ADAMTS12: variants seen among roughly 807,000 people sequenced by gnomAD.
ADAMTS12 encodes ADAM metallopeptidase with thrombospondin type 1 motif 12.
Under a neutral mutation model 167.8 loss-of-function variants are expected in ADAMTS12, and 118 were observed. That is an observed-to-expected ratio of 0.70 (90% confidence interval 0.61 to 0.82). The LOEUF is 0.82. ADAMTS12 is among the 40% of genes least tolerant of loss of function. The pLI is 0.00. For synonymous variants in ADAMTS12, 704 were observed against 716.9 expected (o/e 0.98, Z 0.29); for missense variants, 1,916 against 1,998.8 (o/e 0.96, Z 0.79).
At chr5:33,659,196 G>A (rs1348455266) in intron 6 of ADAMTS12, among the ~76,000 whole-genome samples, 1 of 152,146 alleles carries the variant, frequency 6.6e-6, no homozygotes, top group Admixed American at 6.5e-5. Context: ...CAGACTTTGA[G>A]AACCCATGTG....
At chr5:33,769,747 G>T (rs1325654800) in intron 2 of ADAMTS12, among the ~76,000 whole-genome samples, 1 of 152,160 alleles carries the variant, frequency 6.6e-6, no homozygotes, top group East Asian at 1.9e-4. Context: ...ATGACCAAAA[G>T]GAATCTGGTC....
rs189440932 is a variant in ADAMTS12 at position 33,790,382 on chromosome 5, G to A, written c.490-38834C>T. ...ATCCTGGCCAATGTGGTGAAACCCC[G>A]TCTCTACTAAAAATACAAAAATTAG... On this transcript the variant is annotated intron_variant, in intron 2 of 23. Transcript: ENST00000504830. 8.0e-3 allele frequency among the ~76,000 whole-genome samples: 1,212 copies of A among 152,010 alleles called. 18 individuals are homozygous for A. The highest frequency in any genetic ancestry group is 0.028 in the African/African-American group (1,153 of 41,472).
chr5:33,718,453 G>A (rs1303010161), intron 3 of ADAMTS12, among the ~76,000 whole-genome samples: 1 of 152,146 alleles, frequency 6.6e-6, no homozygotes, highest in Non-Finnish European at 1.5e-5. Flanking sequence ...ATAGGAATGT[G>A]AACCCTATTC....
At chr5:33,777,871 T>A (rs527309939) in intron 2 of ADAMTS12, among the ~76,000 whole-genome samples, 1 of 152,160 alleles carries the variant, frequency 6.6e-6, no homozygotes, top group Non-Finnish European at 1.5e-5. Flanking sequence ...AAGATTTTTT[T>A]ATATAGTAAC....
intron 22 of ADAMTS12, among the ~76,000 whole-genome samples, chr5:33,541,383 G>C (rs1477425464): frequency 6.6e-6 from 1 of 152,212 alleles, no homozygotes; most frequent in Non-Finnish European, 1.5e-5. Context: ...GTGAGGAGAA[G>C]AATGGAACCA....
intron 2 of ADAMTS12, among the ~76,000 whole-genome samples, chr5:33,830,853 A>G (rs1236862543): frequency 6.6e-6 from 1 of 152,202 alleles, no homozygotes; most frequent in African/African-American, 2.4e-5. Flanking sequence ...ATACTGATAT[A>G]GACAGTGTCT....
chr5:33,585,037 G>A (rs1382634578), intron 18 of ADAMTS12, among the ~76,000 whole-genome samples: 1 of 140,372 alleles, frequency 7.1e-6, no homozygotes, highest in Non-Finnish European at 1.6e-5. Context: ...GGTTATCCAT[G>A]TATCCATCCA....
At chr5:33,677,092 A>T (rs1377131521) in intron 5 of ADAMTS12, among the ~76,000 whole-genome samples, 5 of 152,142 alleles carry the variant, frequency 3.3e-5, no homozygotes, top group African/African-American at 1.2e-4. Flanking sequence ...CTTGTTCTTA[A>T]AAGAAGTCTC....
At chr5:33,640,929 T>A (rs192586493) in intron 11 of ADAMTS12, among the ~76,000 whole-genome samples, 1 of 151,240 alleles carries the variant, frequency 6.6e-6, no homozygotes, top group Non-Finnish European at 1.5e-5. Flanking sequence ...ACAAAAAGGA[T>A]AAATAACCTT....
At chr5:33,837,457 C>A (rs553994229) in intron 2 of ADAMTS12, among the ~76,000 whole-genome samples, 48 of 152,286 alleles carry the variant, frequency 3.2e-4, no homozygotes, top group South Asian at 2.3e-3. Flanking sequence ...GCTTGCCACA[C>A]CCACAGAAAT....
At chr5:33,607,018 T>C (rs1354695893) in intron 16 of ADAMTS12, among the ~76,000 whole-genome samples, 2 of 152,222 alleles carry the variant, frequency 1.3e-5, no homozygotes, top group South Asian at 4.1e-4. Flanking sequence ...AGAAAAACTA[T>C]ATGATCATCT....
intron 5 of ADAMTS12, among the ~76,000 whole-genome samples, chr5:33,681,257 GT>G: frequency 6.6e-6 from 1 of 152,190 alleles, no homozygotes; most frequent in East Asian, 1.9e-4. Flanking sequence ...TCCACAGATT[GT>G]TTTAAAAATA....
In ADAMTS12 at chr5:33,660,952, T is replaced by C. The variant is rs116748249; in HGVS notation, c.1040+964A>G. On this transcript the variant is annotated intron_variant, in intron 6 of 23. Coordinates refer to ENST00000504830, the MANE Select transcript of ADAMTS12 (RefSeq NM_030955.4). ...GGTGGGGGCTGATTATCCTTCCTTG[T>C]AGGGATTCTATGCATTGAGATGATC... 2.4e-3 allele frequency among the ~76,000 whole-genome samples: 358 copies of C among 152,296 alleles called. 3 individuals carry two copies. The highest frequency in any genetic ancestry group is 8.2e-3 in the African/African-American group (339 of 41,578).
At chr5:33,597,236 GA>G (rs1737939100) in intron 16 of ADAMTS12, among the ~76,000 whole-genome samples, 1 of 152,224 alleles carries the variant, frequency 6.6e-6, no homozygotes, top group African/African-American at 2.4e-5. Flanking sequence ...GGACTGAAGT[GA>G]AGGGGCAGTG....
chr5:33,658,416 A>C, intron 6 of ADAMTS12, 83 bp from the exon 7 acceptor site: 5 of 1,520,710 alleles, frequency 3.3e-6, no homozygotes, highest in Non-Finnish European at 4.5e-6. Context: ...GTATAAACTC[A>C]CATTCAATAT....
chr5:33,585,926 T>C (rs409592), intron 18 of ADAMTS12, among the ~76,000 whole-genome samples: 63,803 of 151,938 alleles, frequency 0.42, 13,523 homozygotes, highest in South Asian at 0.47. Context: ...GTGGAGTGCT[T>C]TGATAAGGAA....
chr5:33,743,734 T>C lies in ADAMTS12; in HGVS notation c.634+7670A>G, dbSNP rs1296911145. Among the ~76,000 whole-genome samples the C allele has an allele frequency of 3.9e-5, 6 of 152,264 alleles. No homozygotes were observed. The East Asian group carries it at 7.7e-4, about 20-fold the overall frequency. ...ATCCATCCAACCATCCATCCATCCA[T>C]CCACCCACCCTTCTTTCCTTCTATC... On this transcript the variant is annotated intron_variant, in intron 3 of 23. Coordinates refer to ENST00000504830, the MANE Select transcript of ADAMTS12 (RefSeq NM_030955.4).
At chr5:33,693,508 A>C (rs1446729544) in intron 3 of ADAMTS12, among the ~76,000 whole-genome samples, 3 of 152,242 alleles carry the variant, frequency 2.0e-5, no homozygotes, top group African/African-American at 7.2e-5. Flanking sequence ...CTTATTATAA[A>C]AATAGTATGT....
intron 2 of ADAMTS12, among the ~76,000 whole-genome samples, chr5:33,835,947 CTCTCTCTG>C (rs1239327565): frequency 5.0e-4 from 21 of 42,334 alleles, no homozygotes; most frequent in Middle Eastern, 0.01. Flanking sequence ...CTCTCTCTCT[CTCTCTCTG>C]TGTGTGTGTG....
Sources: allele counts gnomAD v4.1 joint callset (sites outside exome capture counted in the v4.1 genomes callset), GRCh38; gene constraint gnomAD v4.1.1; transcripts MANE v1.5; gene names NCBI Gene and HGNC (gene_info 2026-07-23, HGNC 2026-07-21).